The following MAN1A1 variants were observed in gnomAD, a reference collection of about 807,000 sequenced individuals.
MAN1A1 encodes mannosidase alpha class 1A member 1, also known as mannosyl-oligosaccharide 1,2-alpha-mannosidase IA.
MAN1A1 carries 29 observed loss-of-function variants against 70.8 expected under a neutral mutation model. The observed-to-expected ratio is 0.41, with a 90% CI of 0.31 to 0.56. MAN1A1 has a LOEUF of 0.56. Ranked by LOEUF, MAN1A1 falls within the 20% of genes least tolerant of loss-of-function variation. The pLI, the probability that MAN1A1 is intolerant of heterozygous loss-of-function variation, is 0.29. For synonymous variants in MAN1A1, 349 were observed against 330.1 expected (o/e 1.06, Z -0.62); for missense variants, 747 against 841.3 (o/e 0.89, Z 1.39).
intron 5 of MAN1A1, among the ~76,000 whole-genome samples, chr6:119,280,782 T>C (rs995035362): frequency 1.4e-4 from 21 of 152,268 alleles, no homozygotes; most frequent in African/African-American, 4.8e-4. Flanking sequence ...ATTTGAAGTA[T>C]TGGTTTCAAC....
At chr6:119,309,618 C>T (rs1772646608) in intron 2 of MAN1A1, among the ~76,000 whole-genome samples, 1 of 152,028 alleles carries the variant, frequency 6.6e-6, no homozygotes, top group African/African-American at 2.4e-5. Context: ...AAAATGGGCC[C>T]AAATTTCAAA....
intron 6 of MAN1A1, 23 bp downstream of exon 6, chr6:119,248,234 ATGT>A: frequency 2.1e-6 from 3 of 1,429,966 alleles, no homozygotes; most frequent in Non-Finnish European, 3.0e-6. Flanking sequence ...ACCTTAAAAC[ATGT>A]TGTTGAAAAT....
At chr6:119,213,646 C>T (rs932091405) in intron 6 of MAN1A1, among the ~76,000 whole-genome samples, 1 of 152,188 alleles carries the variant, frequency 6.6e-6, no homozygotes, top group African/African-American at 2.4e-5. Context: ...TTCAACTTCT[C>T]ATGCCGATCT....
rs1317568206 is a variant in MAN1A1 at position 119,180,383 on chromosome 6, T to C, written c.1764A>G (p.Leu588=). The C allele has an allele frequency of 6.2e-6, 10 of 1,613,830 alleles. No individual in the cohort carries two copies. Among genetic ancestry groups the C allele is most frequent in the Non-Finnish European group, 8.5e-6 (10 of 1,179,770 alleles). Residue 588 remains leucine (L), a synonymous_variant, in exon 12 of 13, where the codon CTA becomes CTG. Transcript: ENST00000368468. The part of the protein sequence containing the change: ...HCRVNGGYSG[L]RDVYLLHESY... ...TCTCATGAAGAAGGTAAACATCCCT[T>C]AGGCCTGAATAGCCTCCATTCACTC... is the stretch of plus-strand genomic sequence containing the variant.
At chr6:119,301,128 C>G (rs1772379051) in intron 4 of MAN1A1, among the ~76,000 whole-genome samples, 1 of 152,160 alleles carries the variant, frequency 6.6e-6, no homozygotes, top group African/African-American at 2.4e-5. Flanking sequence ...CTATCAAATG[C>G]TTACCCGAAA....
intron 6 of MAN1A1, among the ~76,000 whole-genome samples, chr6:119,247,131 A>G (rs977950717): frequency 6.6e-6 from 1 of 152,228 alleles, no homozygotes; most frequent in African/African-American, 2.4e-5. Context: ...TTTATGATTA[A>G]TATTTGGACA....
Position 119,348,876 on chromosome 6 carries a change from C to A in MAN1A1, c.190G>T (p.Asp64Tyr). Residue 64 changes from aspartate to tyrosine, a missense_variant, in exon 2 of 13, where the codon GAC (aspartate) becomes TAC (tyrosine). Physicochemically the swap from Asp to Tyr is radical, Grantham distance 160. Transcript: ENST00000368468. ...ACCCCGCTGAGCAGCTTGGAGGAGTCTGGCAGGAAGAAGATCGCCCCGAAG... is the reference window on the plus strand; with the variant it reads ...ACCCCGCTGAGCAGCTTGGAGGAGTATGGCAGGAAGAAGATCGCCCCGAAG... ...LCFGAIFFLPDSSKLLSGVLF... is the reference protein window; with the variant it reads ...LCFGAIFFLPYSSKLLSGVLF... The A allele has an allele frequency of 6.5e-7, 1 of 1,533,242 alleles. No homozygotes were observed. Among genetic ancestry groups the A allele is most frequent in the Non-Finnish European group, 8.8e-7 (1 of 1,141,948 alleles). The allele number at this position is 1,533,242 out of a possible 1,614,324, so 95.0% of individuals were successfully genotyped here.
chr6:119,182,557 A>G (rs1341252998), intron 11 of MAN1A1, among the ~76,000 whole-genome samples: 1 of 150,520 alleles, frequency 6.6e-6, no homozygotes, highest in African/African-American at 2.4e-5. Flanking sequence ...TTGAAATTAC[A>G]TTTGTTGCTC....
chr6:119,219,174 A>C (rs1326268678), intron 6 of MAN1A1, among the ~76,000 whole-genome samples: 2 of 152,188 alleles, frequency 1.3e-5, no homozygotes, highest in African/African-American at 4.8e-5. Context: ...CTTACTGCAA[A>C]ATTTCACTGA....
intron 2 of MAN1A1, among the ~76,000 whole-genome samples, chr6:119,324,563 T>A (rs1773099591): frequency 6.6e-6 from 1 of 152,230 alleles, no homozygotes; most frequent in Non-Finnish European, 1.5e-5. Context: ...TCCCATTCAA[T>A]GATTCACAGG....
chr6:119,272,785 C>T (rs1209650186), intron 5 of MAN1A1, among the ~76,000 whole-genome samples: 1 of 152,078 alleles, frequency 6.6e-6, no homozygotes, highest in Non-Finnish European at 1.5e-5. Context: ...TATCAGCAGC[C>T]TTTGTCTTTT....
chr6:119,275,555 C>T (rs1441147579), intron 5 of MAN1A1, among the ~76,000 whole-genome samples: 6 of 150,022 alleles, frequency 4.0e-5, no homozygotes, highest in African/African-American at 1.5e-4. Context: ...ATCCGCCCGC[C>T]TCGGCCTCCC....
At chr6:119,326,428 C>T (rs1322498939) in intron 2 of MAN1A1, among the ~76,000 whole-genome samples, 2 of 152,234 alleles carry the variant, frequency 1.3e-5, no homozygotes, top group Non-Finnish European at 2.9e-5. Flanking sequence ...CAAACTTACA[C>T]AAACCGGTTA....
chr6:119,315,336 T>C (rs973055316), intron 2 of MAN1A1, among the ~76,000 whole-genome samples: 2 of 152,240 alleles, frequency 1.3e-5, no homozygotes, highest in South Asian at 2.1e-4. Context: ...TGGTTAGCAA[T>C]AGCAATTTCT....
At chr6:119,319,880 T>G (rs1396386192) in intron 2 of MAN1A1, among the ~76,000 whole-genome samples, 3 of 152,178 alleles carry the variant, frequency 2.0e-5, no homozygotes, top group Non-Finnish European at 4.4e-5. Context: ...CTCTTCCTTC[T>G]GCCTTGAAAA....
chr6:119,349,215 C>A lies in MAN1A1; in HGVS notation c.-150G>T. Reference sequence around the variant, plus strand: ...GCGGATCCTCCCTGGGGGAACAACTCCGCGCCGGGTCTTCTCCCCGGGGCG... The same window carrying A: ...GCGGATCCTCCCTGGGGGAACAACTACGCGCCGGGTCTTCTCCCCGGGGCG... On this transcript the variant is annotated 5_prime_UTR_variant, in exon 2 of 13. Transcript: ENST00000368468. 2 of 1,215,996 alleles carry A rather than the reference C, an allele frequency of 1.6e-6. No homozygotes were observed. The highest frequency in any genetic ancestry group is 2.0e-6 in the Non-Finnish European group (2 of 978,462). 75.3% of individuals were successfully genotyped at this position (1,215,996 alleles called of 1,614,324 possible). A position where few individuals can be genotyped will look rare whatever the true frequency, so the allele number is the denominator to read the frequency against.
In MAN1A1 at chr6:119,189,842, T is replaced by C; in HGVS notation, c.1368A>G (p.Leu456=). 2 of 1,614,116 alleles carry C rather than the reference T, an allele frequency of 1.2e-6. No individual in the cohort carries two copies. The highest frequency in any genetic ancestry group is 1.7e-6 in the Non-Finnish European group (2 of 1,180,004). ...THLIRKSSSG[L]TYIAEWKGGL... ...CCCCTTTCCACTCTGCGATATAAGT[T>C]AGTCCGCTGCTAGACTTGCGGATCA... The change falls in exon 10 of 13, where the codon CTA becomes CTG. Residue 456 remains leucine, a synonymous_variant. Transcript: ENST00000368468.
intron 2 of MAN1A1, among the ~76,000 whole-genome samples, chr6:119,336,025 C>T (rs1208427746): frequency 6.6e-6 from 1 of 152,066 alleles, no homozygotes; most frequent in East Asian, 1.9e-4. Context: ...ATTCTGGGGC[C>T]CACCCAGGCC....
chr6:119,337,408 T>A (rs538476735), intron 2 of MAN1A1, among the ~76,000 whole-genome samples: 6 of 152,210 alleles, frequency 3.9e-5, no homozygotes, highest in Admixed American at 3.9e-4. Flanking sequence ...CCTGTAGGCA[T>A]GTTTATTTCA....
Sources: allele counts gnomAD v4.1 joint callset (sites outside exome capture counted in the v4.1 genomes callset), GRCh38; gene constraint gnomAD v4.1.1; transcripts MANE v1.5; gene names NCBI Gene and HGNC (gene_info 2026-07-23, HGNC 2026-07-21).